Variants in KLHL29 observed in about 807,000 individuals in gnomAD.
KLHL29 encodes the protein kelch-like protein 29.
Under a neutral mutation model 80.4 loss-of-function variants are expected in KLHL29, and 21 were observed. The observed-to-expected ratio is 0.26, with a 90% CI of 0.19 to 0.38. The LOEUF is 0.38. KLHL29 is among the 10% of genes least tolerant of loss of function. The pLI is 1.00. For synonymous variants in KLHL29, 511 were observed against 526.8 expected (o/e 0.97, Z 0.41); for missense variants, 867 against 1,223.9 (o/e 0.71, Z 4.35).
rs2149189314 is a variant in KLHL29, at chr2:23,682,398, C to T, written c.941-2001C>T. Among the ~76,000 whole-genome samples, 1 of 152,300 alleles carries T rather than the reference C, an allele frequency of 6.6e-6. No homozygotes were observed. The highest frequency in any genetic ancestry group is 6.5e-5 in the Admixed American group (1 of 15,304). On this transcript the variant is annotated intron_variant, in intron 5 of 13. Coordinates refer to ENST00000486442, the MANE Select transcript of KLHL29 (RefSeq NM_052920.2). This position sits in a 1 kb window ranked among gnomAD's most constrained non-coding sequence, Gnocchi z 4.1. ...GCCCAGTGCAGGTTCACCCTCAGGT[C>T]TGGCTTCGAGGCTCAACTCTCTGCA... is the stretch of plus-strand genomic sequence containing the variant.
At chr2:23,411,557 G>T (rs979346588) in intron 1 of KLHL29, among the ~76,000 whole-genome samples, 1 of 151,988 alleles carries the variant, frequency 6.6e-6, no homozygotes, top group Non-Finnish European at 1.5e-5. Flanking sequence ...TTGTGAGGTC[G>T]GCCAGATTTC....
intron 1 of KLHL29, among the ~76,000 whole-genome samples, chr2:23,431,018 C>T (rs1008465372): frequency 5.3e-5 from 8 of 152,208 alleles, no homozygotes; most frequent in African/African-American, 1.9e-4. Flanking sequence ...AATAGACGGA[C>T]ACAACAGATA....
At chr2:23,541,820 G>A (rs1440776556) in intron 2 of KLHL29, among the ~76,000 whole-genome samples, 1 of 150,784 alleles carries the variant, frequency 6.6e-6, no homozygotes, top group Non-Finnish European at 1.5e-5. Flanking sequence ...ACAGCAGCAG[G>A]GCTGGTGCCT....
intron 1 of KLHL29, among the ~76,000 whole-genome samples, chr2:23,419,855 T>G (rs1292021034): frequency 6.6e-6 from 1 of 152,138 alleles, no homozygotes; most frequent in Non-Finnish European, 1.5e-5. Flanking sequence ...AGGAAGGGAC[T>G]TGGGGCCAGT....
intron 2 of KLHL29, among the ~76,000 whole-genome samples, chr2:23,501,070 G>C (rs1443799381): frequency 6.6e-6 from 1 of 152,142 alleles, no homozygotes; most frequent in Non-Finnish European, 1.5e-5. Context: ...TCCTGCAGTA[G>C]TTTGAGGGTG....
intron 1 of KLHL29, among the ~76,000 whole-genome samples, chr2:23,427,022 T>G (rs1572503780): frequency 1.3e-5 from 2 of 152,320 alleles, no homozygotes; most frequent in Middle Eastern, 3.4e-3. Flanking sequence ...TTAAACGATT[T>G]GCTTACTGAT....
At chr2:23,701,325 C>T (rs536303725) in intron 11 of KLHL29, among the ~76,000 whole-genome samples, 91 of 152,300 alleles carry the variant, frequency 6.0e-4, no homozygotes, top group Admixed American at 1.2e-3. Flanking sequence ...CTAGTCTCCC[C>T]GCTTCTGACC....
rs1202014056 is a variant in KLHL29 at position 23,651,137 on chromosome 2, C to T, written c.940+8287C>T. 2.0e-5 allele frequency among the ~76,000 whole-genome samples: 3 copies of T among 152,146 alleles called. No homozygotes were observed. The South Asian group carries it at 6.2e-4, about 32-fold the overall frequency. On this transcript the variant is annotated intron_variant, in intron 5 of 13. Transcript: ENST00000486442. Reference sequence around the variant, plus strand: ...CTTGAAGAAAAAATGGCTGAAAGGTCGCCATCCATTGAAATCGTTGTCATT... The same window carrying T: ...CTTGAAGAAAAAATGGCTGAAAGGTTGCCATCCATTGAAATCGTTGTCATT...
chr2:23,479,385 C>T (rs1424955277), intron 2 of KLHL29, among the ~76,000 whole-genome samples: 5 of 152,066 alleles, frequency 3.3e-5, no homozygotes. Flanking sequence ...CTGCAGACCC[C>T]CAGCCTGCGC....
chr2:23,396,068 A>G (rs1310157963), intron 1 of KLHL29, among the ~76,000 whole-genome samples: 2 of 152,250 alleles, frequency 1.3e-5, no homozygotes, highest in Admixed American at 6.5e-5. Flanking sequence ...CCGTGATTTT[A>G]TAACAATTGG....
At chr2:23,651,016 C>T (rs572895481) in intron 5 of KLHL29, among the ~76,000 whole-genome samples, 2 of 152,156 alleles carry the variant, frequency 1.3e-5, no homozygotes, top group African/African-American at 2.4e-5. Flanking sequence ...GTTGAAATTG[C>T]ATTCCATTCA....
Position 23,473,561 on chromosome 2 carries a change from C to T in KLHL29, c.-153-1999C>T, listed in dbSNP as rs573498939. Reference sequence around the variant, plus strand: ...AGAGATGGAAGGGCAAGGCCACTGTCGTCAGGACAGGCGTAGACAGCCTGT... The same window carrying T: ...AGAGATGGAAGGGCAAGGCCACTGTTGTCAGGACAGGCGTAGACAGCCTGT... On this transcript the variant is annotated intron_variant, in intron 1 of 13. Transcript: ENST00000486442. 5.3e-5 allele frequency among the ~76,000 whole-genome samples: 8 copies of T among 152,226 alleles called. No homozygotes were observed. The East Asian group carries it at 1.4e-3, about 26-fold the overall frequency.
rs1672761091 is a variant in KLHL29 at position 23,706,905 on chromosome 2, C to A, written c.*241C>A. ...GATCCCGCCATGGGGCTGGCTGCCT[C>A]CTGAACAGGGGCGCTCGCTCTGCCA... On this transcript the variant is annotated 3_prime_UTR_variant, in exon 14 of 14. Coordinates refer to ENST00000486442, the MANE Select transcript of KLHL29 (RefSeq NM_052920.2). 2.3e-6 allele frequency: 1 copy of A among 442,860 alleles called. No homozygotes were observed. Among genetic ancestry groups the A allele is most frequent in the South Asian group, 4.3e-5 (1 of 23,040 alleles). The allele number at this position is 442,860 out of a possible 1,614,324, so 27.4% of individuals were successfully genotyped here.
chr2:23,678,463 C>G (rs1298068410), intron 5 of KLHL29, among the ~76,000 whole-genome samples: 2 of 152,206 alleles, frequency 1.3e-5, no homozygotes, highest in African/African-American at 4.8e-5. Flanking sequence ...CTGGGCTAGC[C>G]TGTTGGAGCA....
At chr2:23,704,728 C>T (rs189483075) in intron 13 of KLHL29, among the ~76,000 whole-genome samples, 7 of 152,280 alleles carry the variant, frequency 4.6e-5, no homozygotes, top group Admixed American at 2.6e-4. Flanking sequence ...GATCGCGCCA[C>T]GGCACTCCAG....
intron 1 of KLHL29, among the ~76,000 whole-genome samples, chr2:23,424,916 A>G (rs1037939719): frequency 2.0e-5 from 3 of 152,188 alleles, no homozygotes; most frequent in South Asian, 4.1e-4. Flanking sequence ...GTTTTTATCT[A>G]TTTTTAAAGC....
At chr2:23,688,634 T>C (rs1340333458) in intron 6 of KLHL29, among the ~76,000 whole-genome samples, 1 of 151,288 alleles carries the variant, frequency 6.6e-6, no homozygotes, top group Non-Finnish European at 1.5e-5. Context: ...CAGGAAGCTC[T>C]GGTCTTCTGA....
intron 2 of KLHL29, among the ~76,000 whole-genome samples, chr2:23,492,936 C>G (rs1467789944): frequency 6.6e-6 from 1 of 152,188 alleles, no homozygotes; most frequent in Non-Finnish European, 1.5e-5. Flanking sequence ...AGCCAGAACT[C>G]AAGTCCTGCC....
At chr2:23,468,619 C>A (rs1203003675) in intron 1 of KLHL29, among the ~76,000 whole-genome samples, 1 of 152,170 alleles carries the variant, frequency 6.6e-6, no homozygotes, top group Non-Finnish European at 1.5e-5. Context: ...GAGTGAGCTA[C>A]TATGCTGTCT....
Sources: allele counts gnomAD v4.1 joint callset (sites outside exome capture counted in the v4.1 genomes callset), GRCh38; gene constraint gnomAD v4.1.1; non-coding constraint Gnocchi (gnomAD v3.1); transcripts MANE v1.5; gene names NCBI Gene and HGNC (gene_info 2026-07-23, HGNC 2026-07-21).